The following SCRG1 variants were observed in gnomAD, a reference collection of about 807,000 sequenced individuals.
SCRG1 encodes stimulator of chondrogenesis 1.
A neutral mutation model predicts 7.7 loss-of-function variants in SCRG1; 3 were observed. The ratio of observed to expected loss-of-function variants is 0.39; its 90% CI spans 0.18 to 1.01. SCRG1 has a LOEUF of 1.01. Ranked by LOEUF, SCRG1 falls within the 50% of genes least tolerant of loss-of-function variation. SCRG1 has a pLI of 0.36. For synonymous variants in SCRG1, 46 were observed against 41.2 expected (o/e 1.12, Z -0.44); for missense variants, 110 against 117.2 (o/e 0.94, Z 0.28).
chr4:173,416,735 G>C, the SCRG1 span, among the ~76,000 whole-genome samples: 1 of 152,206 alleles, frequency 6.6e-6, no homozygotes, highest in African/African-American at 2.4e-5. Context: ...CCCTTCGTGT[G>C]ACGGCCTCTA....
At chr4:173,494,278 C>T in the SCRG1 span, among the ~76,000 whole-genome samples, 31 of 152,228 alleles carry the variant, frequency 2.0e-4, no homozygotes, top group African/African-American at 7.5e-4. Flanking sequence ...CTCTTCTTCC[C>T]CCGAATCAAA....
the SCRG1 span, among the ~76,000 whole-genome samples, chr4:173,514,582 T>C: frequency 6.6e-6 from 1 of 152,118 alleles, no homozygotes; most frequent in East Asian, 1.9e-4. Flanking sequence ...TCTTTTCATG[T>C]TGTAAACTCA....
At chr4:173,453,145 C>T in the SCRG1 span, among the ~76,000 whole-genome samples, 1 of 152,196 alleles carries the variant, frequency 6.6e-6, no homozygotes. Context: ...ACGTAAGTTG[C>T]ATTATAGGAG....
the SCRG1 span, among the ~76,000 whole-genome samples, chr4:173,479,392 C>A: frequency 6.6e-6 from 1 of 150,996 alleles, no homozygotes; most frequent in Non-Finnish European, 1.5e-5. Flanking sequence ...GAGTATAATT[C>A]CTTATTAAAA....
chr4:173,435,706 G>T, the SCRG1 span, among the ~76,000 whole-genome samples: 11,113 of 152,180 alleles, frequency 0.073, 459 homozygotes, highest in Non-Finnish European at 0.08. Flanking sequence ...TTGTGACTTT[G>T]AAATGAAATA....
chr4:173,507,768 C>G, the SCRG1 span, among the ~76,000 whole-genome samples: 1 of 152,198 alleles, frequency 6.6e-6, no homozygotes, highest in African/African-American at 2.4e-5. The surrounding 1 kb of genome is among the most constrained non-coding windows in gnomAD (Gnocchi z 4.4). Flanking sequence ...CCCTCCGGAG[C>G]AGTTGCGGGA....
the SCRG1 span, chr4:173,419,540 A>T: frequency 2.1e-5 from 15 of 730,466 alleles, no homozygotes; most frequent in Non-Finnish European, 2.2e-5. Context: ...CTTCTGGCCC[A>T]TGATGTGCTT....
the SCRG1 span, among the ~76,000 whole-genome samples, chr4:173,493,871 CA>C: frequency 6.6e-6 from 1 of 152,158 alleles, no homozygotes; most frequent in African/African-American, 2.4e-5. Flanking sequence ...CAAGTTTCAA[CA>C]GCGTTTTTGT....
the SCRG1 span, among the ~76,000 whole-genome samples, chr4:173,459,539 AAATTT>A: frequency 1.3e-5 from 2 of 152,216 alleles, no homozygotes; most frequent in African/African-American, 4.8e-5. Flanking sequence ...ATTAAGAAGA[AAATTT>A]AAAAGTTTCT....
upstream of SCRG1, among the ~76,000 whole-genome samples, chr4:173,406,834 C>T (rs1396390303): frequency 6.6e-6 from 1 of 152,176 alleles, no homozygotes; most frequent in South Asian, 2.1e-4. Flanking sequence ...GAATAATATT[C>T]CATTGTATAG....
At chr4:173,418,630 C>T in the SCRG1 span, among the ~76,000 whole-genome samples, 2 of 152,138 alleles carry the variant, frequency 1.3e-5, no homozygotes, top group African/African-American at 4.8e-5. Context: ...ACACTACTTC[C>T]AGGATGATGT....
the SCRG1 span, among the ~76,000 whole-genome samples, chr4:173,460,530 C>T: frequency 1.3e-5 from 2 of 152,224 alleles, no homozygotes; most frequent in African/African-American, 4.8e-5. Context: ...ATTCCAGGCC[C>T]TTGCCCCAAG....
At chr4:173,430,000 GTT>G in the SCRG1 span, among the ~76,000 whole-genome samples, 42 of 149,812 alleles carry the variant, frequency 2.8e-4, no homozygotes, top group South Asian at 6.3e-4. Flanking sequence ...ATGGCTATGG[GTT>G]TTTTTTTTTG....
chr4:173,394,652 AAATTAT>A lies in SCRG1; in HGVS notation c.-14-3230_-14-3225del, dbSNP rs527957515. Among the ~76,000 whole-genome samples, 490 of 124,664 alleles carry A rather than the reference AAATTAT, an allele frequency of 3.9e-3. 5 individuals are homozygous for A. The highest frequency in any genetic ancestry group is 0.011 in the African/African-American group (451 of 40,358). The allele number at this position is 124,664 out of a possible 152,430, so 81.8% of individuals were successfully genotyped here. A position where few individuals can be genotyped will look rare whatever the true frequency, so the allele number is the denominator to read the frequency against. On this transcript the variant is annotated intron_variant, in intron 1 of 2. Coordinates refer to ENST00000296506, the MANE Select transcript of SCRG1 (RefSeq NM_007281.4). Reference sequence around the variant, plus strand: ...AGAGAGAGACTCCGTCTCAAAAAAAAAATTATAATTATAAGTCTGTTTTGAGGTAAT... The same window carrying A: ...AGAGAGAGACTCCGTCTCAAAAAAAAAATTATAAGTCTGTTTTGAGGTAAT...
upstream of SCRG1, among the ~76,000 whole-genome samples, chr4:173,400,550 C>A (rs969100311): frequency 3.9e-5 from 6 of 152,136 alleles, no homozygotes; most frequent in Admixed American, 3.3e-4. Context: ...CCAATCAACT[C>A]AATATCAAAT....
At chr4:173,439,163 G>A in the SCRG1 span, among the ~76,000 whole-genome samples, 2 of 152,132 alleles carry the variant, frequency 1.3e-5, no homozygotes, top group Non-Finnish European at 2.9e-5. Flanking sequence ...GAAGGAACCT[G>A]GGTCCCAAAA....
the SCRG1 span, among the ~76,000 whole-genome samples, chr4:173,510,903 T>G: frequency 6.6e-6 from 1 of 152,238 alleles, no homozygotes; most frequent in Non-Finnish European, 1.5e-5. This position sits in a 1 kb window ranked among gnomAD's most constrained non-coding sequence, Gnocchi z 5.7. Flanking sequence ...GAATCTATTC[T>G]TCTGGGCTGG....
the SCRG1 span, among the ~76,000 whole-genome samples, chr4:173,444,414 G>T: frequency 6.6e-6 from 1 of 152,152 alleles, no homozygotes; most frequent in Non-Finnish European, 1.5e-5. Context: ...GCATATTTAG[G>T]CTTTGCAGGC....
the SCRG1 span, among the ~76,000 whole-genome samples, chr4:173,431,428 A>G: frequency 2.0e-5 from 3 of 152,230 alleles, no homozygotes; most frequent in East Asian, 1.9e-4. Context: ...GACAAACCCA[A>G]TGAATTTAGA....
Sources: gnomAD v4.1 joint callset for allele counts (sites outside exome capture counted in the v4.1 genomes callset) on GRCh38, gnomAD v4.1.1 for gene constraint, Gnocchi (gnomAD v3.1) non-coding constraint, MANE v1.5 for transcripts, NCBI Gene and HGNC (gene_info 2026-07-23, HGNC 2026-07-21) for gene names.